The following AFF2 variants were observed in gnomAD, a reference collection of about 807,000 sequenced individuals.
AFF2 encodes ALF transcription elongation factor 2.
AFF2 carries 14 observed loss-of-function variants against 76.9 expected under a neutral mutation model. The ratio of observed to expected loss-of-function variants is 0.18; its 90% CI spans 0.12 to 0.28. The LOEUF is 0.28. Ranked by LOEUF, AFF2 falls within the 10% of genes least tolerant of loss-of-function variation. The pLI is 1.00. For synonymous variants in AFF2, 398 were observed against 366.7 expected (o/e 1.09, Z -0.98); for missense variants, 868 against 1,001.1 (o/e 0.87, Z 1.79).
At chrX:148,574,264 T>G (rs1432692007) in intron 1 of AFF2, among the ~76,000 whole-genome samples, 1 of 111,663 alleles carries the variant, frequency 9.0e-6, no homozygotes, top group African/African-American at 3.3e-5. Flanking sequence ...CCACCAATCC[T>G]AAAAGCAGAT....
intron 19 of AFF2, among the ~76,000 whole-genome samples, chrX:148,982,318 C>T (rs1011651625): frequency 1.8e-5 from 2 of 111,830 alleles, no homozygotes. Flanking sequence ...ATGTCTCGTT[C>T]ATTCAGCAAA....
chrX:148,755,012 G>T (rs1209792845), intron 3 of AFF2, among the ~76,000 whole-genome samples: 4 of 111,708 alleles, frequency 3.6e-5, no homozygotes, highest in Non-Finnish European at 5.7e-5. Context: ...TCATAGATGG[G>T]CTTTTCATGT....
chrX:148,586,949 CA>C (rs782023005), intron 1 of AFF2, among the ~76,000 whole-genome samples: 1 of 111,120 alleles, frequency 9.0e-6, no homozygotes, highest in Non-Finnish European at 1.9e-5. Flanking sequence ...TTTCTCCCTC[CA>C]TCCTCCTTCC....
intron 3 of AFF2, among the ~76,000 whole-genome samples, chrX:148,795,830 A>ATGT (rs2069968230): frequency 7.3e-5 from 2 of 27,506 alleles, no homozygotes; most frequent in Non-Finnish European, 1.3e-4. Context: ...AAAAAAAAAA[A>ATGT]AAATATATAT....
At position 148,773,020 on chromosome X, in the gene AFF2, G is replaced by A. The variant is rs542570759; in HGVS notation, c.1042-36856G>A. ...ATATACCTGTGTAACAAATCTGCAC[G>A]TGCTGCATATGTATCCCATGTTTTT... On this transcript the variant is annotated intron_variant, in intron 3 of 20. Coordinates refer to ENST00000370460, the MANE Select transcript of AFF2 (RefSeq NM_002025.4). Among the ~76,000 whole-genome samples the A allele has an allele frequency of 2.7e-4, 30 of 110,093 alleles. 1 individual carries two copies. The highest frequency in any genetic ancestry group is 7.9e-4 in the South Asian group (2 of 2,542).
At chrX:148,953,083 C>T (rs1380246544) in intron 9 of AFF2, among the ~76,000 whole-genome samples, 1 of 111,505 alleles carries the variant, frequency 9.0e-6, no homozygotes, top group African/African-American at 3.3e-5. Flanking sequence ...TCAGTTTCCT[C>T]TAATTAAAAT....
chrX:148,790,212 G>A lies in AFF2; in HGVS notation c.1042-19664G>A, dbSNP rs147711994. 9.9e-5 allele frequency among the ~76,000 whole-genome samples: 11 copies of A among 111,551 alleles called. No homozygotes were observed. The East Asian group carries it at 2.8e-3, about 28-fold the overall frequency. ...GGTCAGGTTGTGGAGAAATTAGAAC[G>A]CTTTAATACTGTTTAATACTGTTGG... On this transcript the variant is annotated intron_variant, in intron 3 of 20. Coordinates refer to ENST00000370460, the MANE Select transcript of AFF2 (RefSeq NM_002025.4).
intron 1 of AFF2, among the ~76,000 whole-genome samples, chrX:148,506,047 A>G (rs1216825012): frequency 1.8e-5 from 2 of 110,708 alleles, no homozygotes; most frequent in African/African-American, 6.6e-5. Flanking sequence ...ACTCTGTGCC[A>G]CAAGCTTGGA....
intron 3 of AFF2, among the ~76,000 whole-genome samples, chrX:148,788,597 T>C (rs1414388350): frequency 8.9e-6 from 1 of 111,746 alleles, no homozygotes; most frequent in African/African-American, 3.3e-5. Flanking sequence ...GACCAGTTTA[T>C]CATGCAGTCA....
chrX:148,912,343 C>T (rs1288751167), intron 9 of AFF2, among the ~76,000 whole-genome samples: 3 of 111,497 alleles, frequency 2.7e-5, no homozygotes, highest in East Asian at 5.6e-4. Context: ...TCCACGTGTT[C>T]TCATTGTTCA....
chrX:148,727,591 A>C (rs1557264341), intron 3 of AFF2, among the ~76,000 whole-genome samples: 1 of 109,428 alleles, frequency 9.1e-6, no homozygotes, highest in Non-Finnish European at 1.9e-5. Context: ...TGAGGTTGGC[A>C]TTCTCATTGC....
chrX:148,899,427 A>G (rs782696919), intron 8 of AFF2, among the ~76,000 whole-genome samples: 3 of 111,853 alleles, frequency 2.7e-5, no homozygotes, highest in Middle Eastern at 4.6e-3. Flanking sequence ...GATGCAATTT[A>G]CCAATACATG....
At chrX:148,752,235 A>C (rs2055510551) in intron 3 of AFF2, among the ~76,000 whole-genome samples, 1 of 112,065 alleles carries the variant, frequency 8.9e-6, no homozygotes, top group Non-Finnish European at 1.9e-5. Flanking sequence ...TTTCCCTGCT[A>C]ATAATCGACT....
chrX:148,619,204 C>T (rs2053843332), intron 1 of AFF2, among the ~76,000 whole-genome samples: 1 of 111,294 alleles, frequency 9.0e-6, no homozygotes, highest in Non-Finnish European at 1.9e-5. Flanking sequence ...GTCATTTGTC[C>T]TGCATGAGTC....
At chrX:148,528,452 G>C (rs1220738736) in intron 1 of AFF2, among the ~76,000 whole-genome samples, 1 of 111,572 alleles carries the variant, frequency 9.0e-6, no homozygotes, top group Admixed American at 9.5e-5. Context: ...GTTGTGAAGT[G>C]CACATATATG....
intron 3 of AFF2, among the ~76,000 whole-genome samples, chrX:148,709,010 TC>T (rs1285884763): frequency 2.2e-4 from 25 of 111,862 alleles, no homozygotes; most frequent in African/African-American, 7.8e-4. Context: ...ATGACTGATC[TC>T]TTTGTATTAG....
intron 4 of AFF2, among the ~76,000 whole-genome samples, chrX:148,821,615 G>T (rs191897206): frequency 5.7e-5 from 6 of 106,194 alleles, no homozygotes; most frequent in African/African-American, 2.1e-4. Flanking sequence ...TCCTGTCTTT[G>T]TCTGGTGACC....
intron 4 of AFF2, among the ~76,000 whole-genome samples, chrX:148,828,242 G>A (rs187308043): frequency 1.8e-3 from 206 of 111,881 alleles, no homozygotes; most frequent in African/African-American, 6.5e-3. Context: ...CAATTTCAAG[G>A]GTTAGAAATG....
chrX:148,977,070 C>T (rs2072334788), intron 16 of AFF2, among the ~76,000 whole-genome samples: 2 of 112,054 alleles, frequency 1.8e-5, no homozygotes, highest in South Asian at 3.7e-4. Context: ...CTTTCTGTCG[C>T]CTTCTTATAA....
Sources: allele counts gnomAD v4.1 joint callset (sites outside exome capture counted in the v4.1 genomes callset), GRCh38; gene constraint gnomAD v4.1.1; transcripts MANE v1.5; gene names NCBI Gene and HGNC (gene_info 2026-07-23, HGNC 2026-07-21).